CHL1: variants seen among roughly 807,000 people sequenced by gnomAD.
The protein encoded by CHL1 is cell adhesion molecule L1 like.
In CHL1, 96 loss-of-function variants were observed where a neutral mutation model predicts 141.9. That is an observed-to-expected ratio of 0.68 (90% CI 0.57 to 0.80). CHL1 has a LOEUF of 0.80. Among genes scored for constraint, CHL1 ranks in the 30% least tolerant of loss-of-function variants. The pLI, the probability that CHL1 is intolerant of heterozygous loss-of-function variation, is 0.00. For synonymous variants in CHL1, 613 were observed against 502.2 expected (o/e 1.22, Z -2.95); for missense variants, 1,820 against 1,457.2 (o/e 1.25, Z -4.05).
intron 8 of CHL1, among the ~76,000 whole-genome samples, chr3:343,616 G>A (rs773804712): frequency 6.6e-6 from 1 of 152,144 alleles, no homozygotes; most frequent in Admixed American, 6.5e-5. Flanking sequence ...TGTATAGCAG[G>A]CTAGTTCTCT....
chr3:372,829 T>C (rs7617111), intron 15 of CHL1, among the ~76,000 whole-genome samples: 3,940 of 152,132 alleles, frequency 0.026, 165 homozygotes, highest in African/African-American at 0.091. Flanking sequence ...TTCTTTCTTT[T>C]TTTTTTTTCT....
chr3:349,528 C>T lies in CHL1; in HGVS notation c.1018C>T (p.His340Tyr), dbSNP rs750669454. 1.9e-6 allele frequency: 3 copies of T among 1,613,564 alleles called. No individual in the cohort carries two copies. The highest frequency in any genetic ancestry group is 1.7e-6 in the Non-Finnish European group (2 of 1,179,774). The change falls in exon 10 of 28, where the codon CAC (histidine) becomes TAC (tyrosine). Residue 340 changes from histidine to tyrosine, a missense_variant. Transcript: ENST00000256509. ...CTTGGGAACAGCCACTCACGATTTT[C>T]ACGTTATAGTAGAAGGTACCTTTCC... The part of the protein sequence containing the change: ...NFLGTATHDF[H>Y]VIVEEPPRWT...
chr3:282,562 A>G (rs2125302198), intron 2 of CHL1: 1 of 152,282 alleles, frequency 6.6e-6, no homozygotes, highest in African/African-American at 2.4e-5. Flanking sequence ...TGTTTATCCA[A>G]GAATGTCTTA....
In CHL1 at chr3:319,591, CAAAAAA is replaced by C. The variant is rs35995557; in HGVS notation, c.-94-78_-94-73del. On this transcript the variant is annotated intron_variant, in intron 2 of 27. Transcript: ENST00000256509. ...ATAAGGAGGAAACATACTGCCAAACCAAAAAAAAAAAAAAAAAAAGAAGGTATTTAA... is the reference window on the plus strand; with the variant it reads ...ATAAGGAGGAAACATACTGCCAAACCAAAAAAAAAAAAAGAAGGTATTTAA... 1,717 of 304,080 alleles carry C rather than the reference CAAAAAA, an allele frequency of 5.6e-3. 12 individuals carry two copies. Among genetic ancestry groups the C allele is most frequent in the African/African-American group, 0.033 (1,123 of 34,170 alleles). 18.8% of individuals were successfully genotyped at this position (304,080 alleles called of 1,614,324 possible).
At chr3:313,907 G>T (rs1306439364) in intron 2 of CHL1, among the ~76,000 whole-genome samples, 1 of 152,008 alleles carries the variant, frequency 6.6e-6, no homozygotes. Flanking sequence ...TTCTTTAGGT[G>T]GGCTATAACT....
At chr3:228,153 T>A (rs1047838681) in intron 1 of CHL1, among the ~76,000 whole-genome samples, 4 of 152,224 alleles carry the variant, frequency 2.6e-5, no homozygotes, top group Non-Finnish European at 5.9e-5. Flanking sequence ...AAAGTTAATG[T>A]TATTGGAATG....
intron 15 of CHL1, among the ~76,000 whole-genome samples, chr3:368,317 G>A (rs1032050388): frequency 6.6e-6 from 1 of 152,092 alleles, no homozygotes; most frequent in Non-Finnish European, 1.5e-5. Context: ...GTATCTCATT[G>A]TGGTTTTCAT....
chr3:378,470 CAG>C (rs1706621878), intron 16 of CHL1, among the ~76,000 whole-genome samples: 1 of 152,168 alleles, frequency 6.6e-6, no homozygotes, highest in Non-Finnish European at 1.5e-5. Context: ...AATCAGGAAA[CAG>C]TGTGCACACT....
At chr3:332,906 G>A (rs1701550857) in intron 5 of CHL1, among the ~76,000 whole-genome samples, 1 of 152,034 alleles carries the variant, frequency 6.6e-6, no homozygotes, top group South Asian at 2.1e-4. Flanking sequence ...AGACACAAAG[G>A]AAAAGGCAGC....
At chr3:204,167 G>A (rs184125817) in intron 1 of CHL1, among the ~76,000 whole-genome samples, 1 of 152,310 alleles carries the variant, frequency 6.6e-6, no homozygotes, top group East Asian at 1.9e-4. Context: ...TAAGATGAGA[G>A]CTGACATAGC....
At chr3:357,182 T>A (rs1703797645) in intron 11 of CHL1, among the ~76,000 whole-genome samples, 1 of 152,334 alleles carries the variant, frequency 6.6e-6, no homozygotes, top group Admixed American at 6.5e-5. Context: ...CCAAGCTCGG[T>A]GTTCTGTTCA....
chr3:274,519 T>C (rs1210675431), intron 2 of CHL1, among the ~76,000 whole-genome samples: 10 of 152,246 alleles, frequency 6.6e-5, no homozygotes, highest in South Asian at 2.1e-4. Flanking sequence ...TTTTCAAGGT[T>C]ATTAACCCAC....
At chr3:311,304 C>T (rs976512909) in intron 2 of CHL1, among the ~76,000 whole-genome samples, 3 of 151,760 alleles carry the variant, frequency 2.0e-5, no homozygotes, top group Non-Finnish European at 1.5e-5. Flanking sequence ...AAACTGTACT[C>T]CATTGTGACT....
intron 2 of CHL1, among the ~76,000 whole-genome samples, chr3:286,154 A>T (rs1207648208): frequency 6.6e-6 from 1 of 152,108 alleles, no homozygotes. Context: ...ACCCTACCCC[A>T]GATAACACCA....
intron 13 of CHL1, 88 bp downstream of exon 13, chr3:361,898 G>T (rs1425763331): frequency 3.2e-6 from 3 of 924,842 alleles, no homozygotes; most frequent in Non-Finnish European, 5.3e-6. Flanking sequence ...AGGCTGTATT[G>T]TGTCTATATT....
chr3:313,481 G>A (rs1035759067), intron 2 of CHL1, among the ~76,000 whole-genome samples: 4 of 151,950 alleles, frequency 2.6e-5, no homozygotes, highest in Non-Finnish European at 5.9e-5. Flanking sequence ...GAAAATCGAA[G>A]CATTTACTAT....
chr3:302,980 A>C (rs778283770), intron 2 of CHL1, among the ~76,000 whole-genome samples: 4 of 152,170 alleles, frequency 2.6e-5, no homozygotes, highest in Non-Finnish European at 5.9e-5. Flanking sequence ...TTTTACCAAC[A>C]CCATTTATTA....
intron 11 of CHL1, 47 bp from the exon 12 acceptor site, chr3:360,237 T>C: frequency 1.9e-6 from 3 of 1,601,842 alleles, no homozygotes; most frequent in Non-Finnish European, 2.6e-6. Context: ...GTATAAATAT[T>C]TTATGTCCTG....
intron 1 of CHL1, among the ~76,000 whole-genome samples, chr3:223,333 A>G (rs1021394579): frequency 6.6e-6 from 1 of 152,216 alleles, no homozygotes; most frequent in Non-Finnish European, 1.5e-5. Context: ...ATATTAGAAG[A>G]TAAACATCCT....
Sources: gnomAD v4.1 joint callset for allele counts (sites outside exome capture counted in the v4.1 genomes callset) on GRCh38, gnomAD v4.1.1 for gene constraint, MANE v1.5 for transcripts, NCBI Gene and HGNC (gene_info 2026-07-23, HGNC 2026-07-21) for gene names.